ADARB2: variants seen among roughly 807,000 people sequenced by gnomAD.
The protein encoded by ADARB2 is inactive double-stranded RNA-specific editase B2.
ADARB2 carries 25 observed loss-of-function variants against 62.2 expected under a neutral mutation model. The ratio of observed to expected loss-of-function variants is 0.40; its 90% CI spans 0.29 to 0.56. ADARB2 has a LOEUF of 0.56. Ranked by LOEUF, ADARB2 falls within the 20% of genes least tolerant of loss-of-function variation. The pLI is 0.43. For synonymous variants in ADARB2, 572 were observed against 500.8 expected, an observed-to-expected ratio of 1.14 and a Z score of -1.90; for missense variants, 1,071 against 1,077.4, an observed-to-expected ratio of 0.99 and a Z score of 0.08.
intron 7 of ADARB2, among the ~76,000 whole-genome samples, chr10:1,209,980 G>A (rs1469127871): frequency 1.3e-5 from 2 of 152,176 alleles, no homozygotes; most frequent in Admixed American, 1.3e-4. Context: ...TCTTACCACT[G>A]ACATTGTGAA....
In ADARB2 at chr10:1,404,224, C is replaced by A. The variant is rs560800514; in HGVS notation, c.101-25064G>T. On this transcript the variant is annotated intron_variant, in intron 1 of 9. Transcript: ENST00000381312. ...TCAGAAGGAGCAGGAGAAGCTGCTG[C>A]CAGGAGCTCTATGCTTGGCCATGAG... Among the ~76,000 whole-genome samples, 182 of 126,262 alleles carry A rather than the reference C, an allele frequency of 1.4e-3. 1 individual carries two copies. Among genetic ancestry groups the A allele is most frequent in the Middle Eastern group, 3.8e-3 (1 of 262 alleles). The allele number at this position is 126,262 out of a possible 152,430, so 82.8% of individuals were successfully genotyped here.
At chr10:1,657,703 A>T (rs796299739) in intron 1 of ADARB2, among the ~76,000 whole-genome samples, 10 of 152,344 alleles carry the variant, frequency 6.6e-5, no homozygotes, top group African/African-American at 2.4e-4. Context: ...AGCCGAGCGC[A>T]GGGTGCTGGA....
intron 1 of ADARB2, among the ~76,000 whole-genome samples, chr10:1,722,248 G>T (rs1299027489): frequency 6.6e-6 from 1 of 152,184 alleles, no homozygotes; most frequent in Non-Finnish European, 1.5e-5. Context: ...CTTAGAGTGA[G>T]TTCAAATGTC....
At chr10:1,224,139 T>A (rs538628851) in intron 6 of ADARB2, among the ~76,000 whole-genome samples, 18 of 152,352 alleles carry the variant, frequency 1.2e-4, no homozygotes, top group African/African-American at 4.1e-4. Context: ...AGCTTCTTCC[T>A]TGTTTAGTCT....
At chr10:1,712,144 C>A (rs1472228010) in intron 1 of ADARB2, among the ~76,000 whole-genome samples, 3 of 152,128 alleles carry the variant, frequency 2.0e-5, no homozygotes, top group African/African-American at 7.2e-5. Flanking sequence ...GTATTTAAAA[C>A]AGATATTCTC....
intron 1 of ADARB2, among the ~76,000 whole-genome samples, chr10:1,725,830 C>T (rs543042579): frequency 3.3e-5 from 5 of 152,180 alleles, no homozygotes; most frequent in Non-Finnish European, 7.3e-5. Flanking sequence ...CAGCTCATCC[C>T]GAACCGAAGG....
At chr10:1,257,363 T>G (rs1282906617) in intron 4 of ADARB2, among the ~76,000 whole-genome samples, 1 of 152,150 alleles carries the variant, frequency 6.6e-6, no homozygotes, top group Non-Finnish European at 1.5e-5. Context: ...GGCTCCTCCC[T>G]GAGCCACCTG....
At chr10:1,525,227 C>T (rs1365204783) in intron 1 of ADARB2, among the ~76,000 whole-genome samples, 1 of 152,078 alleles carries the variant, frequency 6.6e-6, no homozygotes, top group African/African-American at 2.4e-5. Context: ...TCTGGTTCTA[C>T]TTGTAACACG....
In ADARB2 at chr10:1,270,130, A is replaced by C. The variant is rs568887920; in HGVS notation, c.1192+825T>G. On this transcript the variant is annotated intron_variant, in intron 4 of 9. Coordinates refer to ENST00000381312, the MANE Select transcript of ADARB2 (RefSeq NM_018702.4). Reference sequence around the variant, plus strand: ...GGGTTCCAGTGTTCCCACACCCAGCAAGATTGGAGAGGACCCTGCTGGCCC... The same window carrying C: ...GGGTTCCAGTGTTCCCACACCCAGCCAGATTGGAGAGGACCCTGCTGGCCC... Among the ~76,000 whole-genome samples, 14 of 152,338 alleles carry C rather than the reference A, an allele frequency of 9.2e-5. No homozygotes were observed. The South Asian group carries it at 2.9e-3, about 32-fold the overall frequency.
chr10:1,536,043 C>T (rs1286288420), intron 1 of ADARB2, among the ~76,000 whole-genome samples: 1 of 152,184 alleles, frequency 6.6e-6, no homozygotes. Flanking sequence ...CCCGGCCCAT[C>T]AAGCAGGCCC....
At chr10:1,490,029 T>G (rs1831600657) in intron 1 of ADARB2, among the ~76,000 whole-genome samples, 2 of 152,218 alleles carry the variant, frequency 1.3e-5, no homozygotes, top group South Asian at 4.1e-4. Flanking sequence ...AATTTTGTGA[T>G]AAACAGAAGC....
In ADARB2 at chr10:1,606,595, G is replaced by T. The variant is rs1471456107; in HGVS notation, c.100+130456C>A. The stretch of plus-strand genomic sequence containing the variant: ...AGAGCCAGCTAGAGTCCCACAGGTG[G>T]TCAAGAGGGAAGAAAAGGTGCAGGG... On this transcript the variant is annotated intron_variant, in intron 1 of 9. Coordinates refer to ENST00000381312, the MANE Select transcript of ADARB2 (RefSeq NM_018702.4). Among the ~76,000 whole-genome samples the T allele has an allele frequency of 3.3e-5, 5 of 152,302 alleles. No homozygotes were observed. In the East Asian group the frequency reaches 9.6e-4, roughly 29 times the overall value.
At chr10:1,373,879 C>G (rs1336625744) in intron 2 of ADARB2, among the ~76,000 whole-genome samples, 2 of 150,896 alleles carry the variant, frequency 1.3e-5, no homozygotes, top group South Asian at 2.1e-4. Flanking sequence ...CTAGTGAAAC[C>G]GCGTGGGCTC....
chr10:1,718,233 A>T (rs1835046473), intron 1 of ADARB2, among the ~76,000 whole-genome samples: 2 of 152,130 alleles, frequency 1.3e-5, no homozygotes, highest in African/African-American at 4.8e-5. Context: ...ACTGGGGGAA[A>T]CTTATATTTG....
intron 1 of ADARB2, among the ~76,000 whole-genome samples, chr10:1,379,422 C>T (rs1328210959): frequency 1.3e-5 from 2 of 152,142 alleles, no homozygotes; most frequent in African/African-American, 4.8e-5. Flanking sequence ...GCCCATGTCC[C>T]TTAAAACTTG....
intron 3 of ADARB2, among the ~76,000 whole-genome samples, chr10:1,281,275 G>A (rs1831369306): frequency 6.6e-6 from 1 of 152,178 alleles, no homozygotes; most frequent in South Asian, 2.1e-4. Flanking sequence ...CATGTGCTGG[G>A]GGGTCCCCAG....
At chr10:1,505,788 C>T (rs559612571) in intron 1 of ADARB2, among the ~76,000 whole-genome samples, 8 of 152,196 alleles carry the variant, frequency 5.3e-5, no homozygotes, top group Non-Finnish European at 1.2e-4. Context: ...CTGCCACTCC[C>T]GTCCCCACCG....
chr10:1,568,588 G>C (rs184697840), intron 1 of ADARB2, among the ~76,000 whole-genome samples: 2 of 142,034 alleles, frequency 1.4e-5, no homozygotes, highest in Non-Finnish European at 3.1e-5. Context: ...AAAAAGAGAG[G>C]AAGGAGGAAA....
chr10:1,463,984 T>G (rs1831210863), intron 1 of ADARB2, among the ~76,000 whole-genome samples: 1 of 152,208 alleles, frequency 6.6e-6, no homozygotes, highest in Non-Finnish European at 1.5e-5. Context: ...ATAAGACGCC[T>G]GGACACACCT....
Sources: allele counts gnomAD v4.1 joint callset (sites outside exome capture counted in the v4.1 genomes callset), GRCh38; gene constraint gnomAD v4.1.1; transcripts MANE v1.5; gene names NCBI Gene and HGNC (gene_info 2026-07-23, HGNC 2026-07-21).